APCDD1L: variants seen among roughly 807,000 people sequenced by gnomAD.
APCDD1L encodes protein APCDD1-like.
A neutral mutation model predicts 24.2 loss-of-function variants in APCDD1L; 21 were observed. The observed-to-expected ratio is 0.87, with a 90% confidence interval of 0.61 to 1.25. The LOEUF is 1.25. APCDD1L is among the 50% of genes most tolerant of loss of function. APCDD1L has a pLI of 0.00. For synonymous variants in APCDD1L, 321 were observed against 323.6 expected, an observed-to-expected ratio of 0.99 and a Z score of 0.09; for missense variants, 704 against 711.7, an observed-to-expected ratio of 0.99 and a Z score of 0.12.
chr20:58,478,278 T>C (rs918392656), intron 1 of APCDD1L, among the ~76,000 whole-genome samples: 2 of 152,156 alleles, frequency 1.3e-5, no homozygotes, highest in Non-Finnish European at 2.9e-5. Context: ...TATTGGAAAA[T>C]GGTGTTTAGA....
rs745886069 is a variant in APCDD1L at position 58,467,123 on chromosome 20, G to T, written c.724C>A (p.Pro242Thr). The T allele has an allele frequency of 1.2e-6, 2 of 1,607,084 alleles. No individual in the cohort carries two copies. The highest frequency in any genetic ancestry group is 3.3e-5 in the Admixed American group (2 of 59,936). Residue 242 changes from proline to threonine, a missense_variant, in exon 3 of 4, where the codon CCG becomes ACG. Transcript: ENST00000371149. The surrounding 1 kb of genome is among the most constrained non-coding windows in gnomAD (Gnocchi z 5.9). ...RHYRPTGYQR[P>T]LQSALHHVQP... ...ACACTCACCAGTGCGCTCTGCAGCGGGCGCTGGTAGCCCGTGGGCCGGTAG... is the reference window on the plus strand; with the variant it reads ...ACACTCACCAGTGCGCTCTGCAGCGTGCGCTGGTAGCCCGTGGGCCGGTAG...
At position 58,482,627 on chromosome 20, in the gene APCDD1L, C is replaced by T. The variant is rs117992104; in HGVS notation, c.50-11880G>A. Among the ~76,000 whole-genome samples, 63 of 152,276 alleles carry T rather than the reference C, an allele frequency of 4.1e-4. 1 individual carries two copies. In the East Asian group the frequency reaches 0.011, roughly 26 times the overall value. On this transcript the variant is annotated intron_variant, in intron 1 of 3. Coordinates refer to ENST00000371149, the MANE Select transcript of APCDD1L (RefSeq NM_153360.3). ...CATCAGAGTATCATGGTTACCACCACGATAACAAGATGCACGTTTTTGGTA... is the reference window on the plus strand; with the variant it reads ...CATCAGAGTATCATGGTTACCACCATGATAACAAGATGCACGTTTTTGGTA...
At chr20:58,466,947 C>T (rs927664251) in intron 3 of APCDD1L, among the ~76,000 whole-genome samples, 159 bp downstream of exon 3, 2 of 152,204 alleles carry the variant, frequency 1.3e-5, no homozygotes, top group Admixed American at 6.5e-5. Context: ...GCGCAAATGT[C>T]CTGAGGCACG....
rs559851870 is a variant in APCDD1L, at chr20:58,480,115, C to T, written c.50-9368G>A. ...TTGGCTATAATGGAATCTCCTCATC[C>T]ACCTAATCCGAGAATCTTCGTGTTC... On this transcript the variant is annotated intron_variant, in intron 1 of 3. Coordinates refer to ENST00000371149, the MANE Select transcript of APCDD1L (RefSeq NM_153360.3). 1.1e-3 allele frequency among the ~76,000 whole-genome samples: 171 copies of T among 152,304 alleles called. 1 individual carries two copies. Among genetic ancestry groups the T allele is most frequent in the African/African-American group, 3.9e-3 (163 of 41,566 alleles).
At chr20:58,471,205 A>C (rs1989806318) in intron 1 of APCDD1L, among the ~76,000 whole-genome samples, 1 of 152,138 alleles carries the variant, frequency 6.6e-6, no homozygotes, top group Admixed American at 6.5e-5. Flanking sequence ...GCCCTAGCCT[A>C]TCCCTAGAGC....
At position 58,494,623 on chromosome 20, in the gene APCDD1L, G is replaced by A. The variant is rs1990286142; in HGVS notation, c.49+20036C>T. On this transcript the variant is annotated intron_variant, in intron 1 of 3. Coordinates refer to ENST00000371149, the MANE Select transcript of APCDD1L (RefSeq NM_153360.3). The surrounding 1 kb of genome is among the most constrained non-coding windows in gnomAD (Gnocchi z 4.8). Reference sequence around the variant, plus strand: ...CAAAGCGTTGGGATTATAGGTGTGAGCCACTGTGCCTGGCTGTCAACTGTG... The same window carrying A: ...CAAAGCGTTGGGATTATAGGTGTGAACCACTGTGCCTGGCTGTCAACTGTG... Among the ~76,000 whole-genome samples the A allele has an allele frequency of 6.6e-6, 1 of 152,120 alleles. No homozygotes were observed. The highest frequency in any genetic ancestry group is 1.5e-5 in the Non-Finnish European group (1 of 68,024).
Position 58,474,458 on chromosome 20 carries a change from C to T in APCDD1L, c.50-3711G>A, listed in dbSNP as rs564129079. Among the ~76,000 whole-genome samples the T allele has an allele frequency of 2.3e-3, 346 of 152,298 alleles. 1 individual carries two copies. The highest frequency in any genetic ancestry group is 3.9e-3 in the Non-Finnish European group (263 of 68,034). On this transcript the variant is annotated intron_variant, in intron 1 of 3. Coordinates refer to ENST00000371149, the MANE Select transcript of APCDD1L (RefSeq NM_153360.3). ...GTGGCTCACACCTGTAATCCCAGCA[C>T]TTTGGGAGGCCGAGGTGGGCGGATC... is the stretch of plus-strand genomic sequence containing the variant.
intron 1 of APCDD1L, among the ~76,000 whole-genome samples, chr20:58,483,812 A>C (rs1990070318): frequency 6.6e-6 from 1 of 152,164 alleles, no homozygotes; most frequent in African/African-American, 2.4e-5. Context: ...GCTGGGGCCA[A>C]AGATGGGGAG....
chr20:58,496,249 A>C (rs1457404748), intron 1 of APCDD1L, among the ~76,000 whole-genome samples: 1 of 152,200 alleles, frequency 6.6e-6, no homozygotes, highest in Non-Finnish European at 1.5e-5. Flanking sequence ...AGGGGCTCGC[A>C]GTGGGCAGGG....
At chr20:58,509,243 G>A (rs1203563450) in intron 1 of APCDD1L, among the ~76,000 whole-genome samples, 4 of 152,222 alleles carry the variant, frequency 2.6e-5, no homozygotes, top group African/African-American at 4.8e-5. Context: ...GGACCAGGGC[G>A]GGCCGGGTGC....
At chr20:58,464,965 T>C (rs1275320802) in intron 3 of APCDD1L, among the ~76,000 whole-genome samples, 2 of 152,160 alleles carry the variant, frequency 1.3e-5, no homozygotes, top group Non-Finnish European at 2.9e-5. Flanking sequence ...TGTGTTTTGC[T>C]TCTCCATCAC....
In APCDD1L at chr20:58,461,494, G is replaced by C; in HGVS notation, c.802C>G (p.Pro268Ala). 6.8e-7 allele frequency: 1 copy of C among 1,463,794 alleles called. No homozygotes were observed. The highest frequency in any genetic ancestry group is 9.1e-7 in the Non-Finnish European group (1 of 1,104,946). 90.7% of individuals were successfully genotyped at this position (1,463,794 alleles called of 1,614,324 possible). A position where few individuals can be genotyped will look rare whatever the true frequency, so the allele number is the denominator to read the frequency against. The stretch of plus-strand genomic sequence containing the variant: ...AGGGCCAGAGGGGGCGGCAGCACGG[G>C]CGGGTGGTGCACATCGGAGCGGGCA... The part of the protein sequence containing the change: ...LIARSDVHHP[P>A]VLPPPLALPL... Residue 268 changes from proline to alanine, a missense_variant, in exon 4 of 4, where the codon CCC becomes GCC. Physicochemically the swap from Pro to Ala is conservative, Grantham distance 27 (BLOSUM62 -1). Transcript: ENST00000371149. This position sits in a 1 kb window ranked among gnomAD's most constrained non-coding sequence, Gnocchi z 6.0.
intron 1 of APCDD1L, among the ~76,000 whole-genome samples, chr20:58,499,343 G>A (rs1296255680): frequency 6.6e-6 from 1 of 152,178 alleles, no homozygotes; most frequent in African/African-American, 2.4e-5. Context: ...TTGCCACAGT[G>A]AGAGAGGACG....
In APCDD1L at chr20:58,467,293, C is replaced by G. The variant is rs1248325540; in HGVS notation, c.554G>C (p.Cys185Ser). The G allele has an allele frequency of 1.3e-6, 2 of 1,546,372 alleles. No individual in the cohort carries two copies. The highest frequency in any genetic ancestry group is 1.7e-6 in the Non-Finnish European group (2 of 1,152,930). The change falls in exon 3 of 4, where the codon TGC becomes TCC. Residue 185 changes from cysteine (C) to serine (S), a missense_variant. Coordinates refer to ENST00000371149, the MANE Select transcript of APCDD1L (RefSeq NM_153360.3). This position sits in a 1 kb window ranked among gnomAD's most constrained non-coding sequence, Gnocchi z 5.9. ...ELRSARAQGD[C>S]LEALGLTMHE... ...CATGGTGAGGCCCAGCGCCTCCAGG[C>G]AGTCCCCCTGAGCCCGGGCGCTCCG...
rs988806512 is a variant in APCDD1L, at chr20:58,508,663, T to G, written c.49+5996A>C. ...TGCAGCTGTGACTGGGGTTCCCGTC[T>G]GCCACTGCTTACACTATGTTGGGTA... On this transcript the variant is annotated intron_variant, in intron 1 of 3. Coordinates refer to ENST00000371149, the MANE Select transcript of APCDD1L (RefSeq NM_153360.3). This position sits in a 1 kb window ranked among gnomAD's most constrained non-coding sequence, Gnocchi z 4.0. Among the ~76,000 whole-genome samples, 2 of 152,190 alleles carry G rather than the reference T, an allele frequency of 1.3e-5. No individual in the cohort carries two copies. Among genetic ancestry groups the G allele is most frequent in the African/African-American group, 2.4e-5 (1 of 41,430 alleles).
intron 1 of APCDD1L, among the ~76,000 whole-genome samples, chr20:58,487,198 AC>A (rs1287850535): frequency 6.6e-6 from 1 of 152,184 alleles, no homozygotes; most frequent in Non-Finnish European, 1.5e-5. Context: ...AAAGGACAGA[AC>A]AAAAATACTG....
chr20:58,467,071 A>C lies in APCDD1L; in HGVS notation c.741+35T>G. On this transcript the variant is annotated intron_variant, in intron 3 of 3. Transcript: ENST00000371149. The surrounding 1 kb of genome is among the most constrained non-coding windows in gnomAD (Gnocchi z 5.9). ...CCGAGCTCGCCTCCCCGAGACCACC[A>C]CCCCCCTCTCCCACACCCCAACACA... 1.9e-6 allele frequency: 3 copies of C among 1,553,394 alleles called. No homozygotes were observed. Among genetic ancestry groups the C allele is most frequent in the Non-Finnish European group, 8.7e-7 (1 of 1,153,326 alleles).
chr20:58,502,233 T>C (rs1990449448), intron 1 of APCDD1L, among the ~76,000 whole-genome samples: 2 of 152,164 alleles, frequency 1.3e-5, no homozygotes, highest in South Asian at 4.1e-4. Context: ...CCCAAGTAGC[T>C]AGGATTACAG....
In APCDD1L at chr20:58,465,195, C is replaced by G. The variant is rs545164660; in HGVS notation, c.741+1911G>C. Reference sequence around the variant, plus strand: ...CCTTCTCTGAACTAAGTAGGATTAACGCCAGACCAGCCTAGAACACTGGTT... The same window carrying G: ...CCTTCTCTGAACTAAGTAGGATTAAGGCCAGACCAGCCTAGAACACTGGTT... On this transcript the variant is annotated intron_variant, in intron 3 of 3. Transcript: ENST00000371149. Among the ~76,000 whole-genome samples, 6 of 152,288 alleles carry G rather than the reference C, an allele frequency of 3.9e-5. No homozygotes were observed. The South Asian group carries it at 1.2e-3, about 32-fold the overall frequency.
Sources: allele counts gnomAD v4.1 joint callset (sites outside exome capture counted in the v4.1 genomes callset), GRCh38; gene constraint gnomAD v4.1.1; non-coding constraint Gnocchi (gnomAD v3.1); transcripts MANE v1.5; gene names NCBI Gene and HGNC (gene_info 2026-07-23, HGNC 2026-07-21).